Variants in CBL observed in about 807,000 individuals in gnomAD.
The protein encoded by CBL is E3 ubiquitin-protein ligase CBL.
A neutral mutation model predicts 96.9 loss-of-function variants in CBL; 45 were observed. That is an observed-to-expected ratio of 0.46 (90% confidence interval 0.37 to 0.60). The LOEUF (loss-of-function observed/expected upper bound fraction) is 0.60. CBL is among the 20% of genes least tolerant of loss of function. The pLI is 0.00. For synonymous variants in CBL, 420 were observed against 426.8 expected (o/e 0.98, Z 0.20); for missense variants, 1,024 against 1,143.5 (o/e 0.90, Z 1.51).
At chr11:119,208,506 C>T (rs547330347) in intron 1 of CBL, among the ~76,000 whole-genome samples, 27 of 152,052 alleles carry the variant, frequency 1.8e-4, no homozygotes, top group South Asian at 6.2e-4. Flanking sequence ...TCTCGTGCCT[C>T]AGCCTCCCGA....
intron 1 of CBL, among the ~76,000 whole-genome samples, chr11:119,213,032 C>G (rs914768397): frequency 1.3e-5 from 2 of 151,412 alleles, no homozygotes; most frequent in African/African-American, 2.4e-5. Flanking sequence ...CCAGGCTGGT[C>G]TCAAACTCTT....
intron 11 of CBL, among the ~76,000 whole-genome samples, chr11:119,285,820 C>A (rs1949980958): frequency 6.6e-6 from 1 of 151,146 alleles, no homozygotes; most frequent in Non-Finnish European, 1.5e-5. Context: ...TGCTTGGGCC[C>A]AGGAGGCCAA....
chr11:119,212,740 G>A (rs1339908861), intron 1 of CBL, among the ~76,000 whole-genome samples: 1 of 151,810 alleles, frequency 6.6e-6, no homozygotes, highest in East Asian at 2.0e-4. Context: ...GCTGGGCACA[G>A]TGGCTCACGC....
rs1252856809 is a variant in CBL, at chr11:119,206,380, G to A, written c.-38G>A. ...TCTCCCTCGCTCGCAGTCGAGCCGAGCCGGCGGACCCGCCTGGGCTCCGAC... is the reference window on the plus strand; with the variant it reads ...TCTCCCTCGCTCGCAGTCGAGCCGAACCGGCGGACCCGCCTGGGCTCCGAC... On this transcript the variant is annotated 5_prime_UTR_variant, in exon 1 of 16. Transcript: ENST00000264033. 2.8e-5 allele frequency: 40 copies of A among 1,453,784 alleles called. No homozygotes were observed. The highest frequency in any genetic ancestry group is 4.7e-5 in the Admixed American group (2 of 42,256). The allele number at this position is 1,453,784 out of a possible 1,614,324, so 90.1% of individuals were successfully genotyped here. A position where few individuals can be genotyped will look rare whatever the true frequency, so the allele number is the denominator to read the frequency against.
chr11:119,245,228 A>G (rs553498747), intron 2 of CBL, among the ~76,000 whole-genome samples: 19 of 122,942 alleles, frequency 1.5e-4, no homozygotes, highest in African/African-American at 4.8e-4. Flanking sequence ...GCTTTTTTTT[A>G]TTAATGCAGT....
chr11:119,255,551 A>G (rs1052221395), intron 2 of CBL, among the ~76,000 whole-genome samples: 1 of 152,006 alleles, frequency 6.6e-6, no homozygotes, highest in Non-Finnish European at 1.5e-5. Context: ...ATAAAAATAC[A>G]TATTTTACTA....
chr11:119,298,315 TGAAGTGCGTCAGAAGAA>T, intron 14 of CBL, 26 bp from the exon 15 acceptor site: 3 of 1,552,930 alleles, frequency 1.9e-6, no homozygotes, highest in Non-Finnish European at 2.7e-6. Flanking sequence ...TATTAGAAGA[TGAAGTGCGTCAGAAGAA>T]GATAACATCA....
Position 119,232,432 on chromosome 11 carries a change from T to C in CBL, c.196-16T>C, listed in dbSNP as rs1171075655. The C allele has an allele frequency of 6.2e-6, 10 of 1,612,544 alleles. No individual in the cohort carries two copies. The highest frequency in any genetic ancestry group is 1.7e-5 in the Admixed American group (1 of 59,996). ...AAATTCTCCAAGTAATAGCCCTTCTTTTTCATTTGTTGCAGGTGGTGCGGT... is the reference window on the plus strand; with the variant it reads ...AAATTCTCCAAGTAATAGCCCTTCTCTTTCATTTGTTGCAGGTGGTGCGGT... On this transcript the variant is annotated splice_polypyrimidine_tract_variant and intron_variant, in intron 1 of 15. Transcript: ENST00000264033.
chr11:119,235,776 T>C (rs1221802250), intron 2 of CBL, among the ~76,000 whole-genome samples: 1 of 152,242 alleles, frequency 6.6e-6, no homozygotes, highest in African/African-American at 2.4e-5. Context: ...GTTGACAAGT[T>C]CTTTTGCCTC....
At position 119,300,713 on chromosome 11, in the gene CBL, A is replaced by G. The variant is rs886047774; in HGVS notation, c.*932A>G. 2.3e-5 allele frequency: 9 copies of G among 396,940 alleles called. No individual in the cohort carries two copies. Among genetic ancestry groups the G allele is most frequent in the Non-Finnish European group, 3.6e-5 (8 of 225,350 alleles). The allele number at this position is 396,940 out of a possible 1,614,324, so 24.6% of individuals were successfully genotyped here. ...TTTAAATACATTCCATGCCCTCCCC[A>G]GAAAATAGTCTGTGGGAGTCAGTTG... On this transcript the variant is annotated 3_prime_UTR_variant, in exon 16 of 16. Coordinates refer to ENST00000264033, the MANE Select transcript of CBL (RefSeq NM_005188.4).
intron 2 of CBL, among the ~76,000 whole-genome samples, chr11:119,267,275 C>G (rs1206500934): frequency 6.6e-6 from 1 of 152,176 alleles, no homozygotes; most frequent in Non-Finnish European, 1.5e-5. Context: ...GTAACAGTTT[C>G]AGTCAGCACT....
Position 119,221,699 on chromosome 11 carries a change from C to T in CBL, c.196-10749C>T, listed in dbSNP as rs186177781. 2.7e-5 allele frequency among the ~76,000 whole-genome samples: 4 copies of T among 146,566 alleles called. No homozygotes were observed. The East Asian group carries it at 6.5e-4, about 24-fold the overall frequency. On this transcript the variant is annotated intron_variant, in intron 1 of 15. Transcript: ENST00000264033. Reference sequence around the variant, plus strand: ...AGGAGAATTGCTTGAACCCGGGAGGCGGAGGTTGCAGTGAGCCAAGTCGCG... The same window carrying T: ...AGGAGAATTGCTTGAACCCGGGAGGTGGAGGTTGCAGTGAGCCAAGTCGCG...
Position 119,306,427 on chromosome 11 carries a change from C to T in CBL, c.*6646C>T. On this transcript the variant is annotated 3_prime_UTR_variant, in exon 16 of 16. Coordinates refer to ENST00000264033, the MANE Select transcript of CBL (RefSeq NM_005188.4). ...ACCAACATTGCCTCTCCTACATTCT[C>T]CTTCTGCCCCTAAATCAGACAGGAG... is the stretch of plus-strand genomic sequence containing the variant. 5.0e-6 allele frequency: 2 copies of T among 398,762 alleles called. No individual in the cohort carries two copies. The highest frequency in any genetic ancestry group is 8.8e-6 in the Non-Finnish European group (2 of 226,066). 24.7% of individuals were successfully genotyped at this position (398,762 alleles called of 1,614,324 possible). A position where few individuals can be genotyped will look rare whatever the true frequency, so the allele number is the denominator to read the frequency against.
intron 2 of CBL, among the ~76,000 whole-genome samples, chr11:119,234,035 T>C (rs889011836): frequency 1.3e-5 from 2 of 152,164 alleles, no homozygotes; most frequent in Non-Finnish European, 2.9e-5. Context: ...AGACGGAGTC[T>C]TGCTGTTGTC....
intron 2 of CBL, among the ~76,000 whole-genome samples, chr11:119,249,709 A>G (rs527359668): frequency 6.6e-6 from 1 of 150,568 alleles, no homozygotes; most frequent in African/African-American, 2.4e-5. Flanking sequence ...TTTATCTCCC[A>G]GGTGGTATGA....
At chr11:119,278,925 C>T (rs757265255) in intron 9 of CBL, among the ~76,000 whole-genome samples, 3 of 152,044 alleles carry the variant, frequency 2.0e-5, no homozygotes, top group Non-Finnish European at 4.4e-5. Flanking sequence ...TACTATTATC[C>T]TTATTTAACA....
intron 12 of CBL, among the ~76,000 whole-genome samples, chr11:119,294,129 A>G (rs915384145): frequency 6.6e-6 from 1 of 152,232 alleles, no homozygotes; most frequent in South Asian, 2.1e-4. Flanking sequence ...ACAGAGAATT[A>G]TAATTAAAAT....
rs146448232 is a variant in CBL, at chr11:119,254,341, C to T, written c.444-17394C>T. Among the ~76,000 whole-genome samples, 954 of 152,258 alleles carry T rather than the reference C, an allele frequency of 6.3e-3. 9 individuals are homozygous for T. Among genetic ancestry groups the T allele is most frequent in the African/African-American group, 0.016 (675 of 41,530 alleles). ...TGTAAGTGCAACCATGTATTGCTAA[C>T]GACAGGATGCATTTTGAGAAATGTA... On this transcript the variant is annotated intron_variant, in intron 2 of 15. Coordinates refer to ENST00000264033, the MANE Select transcript of CBL (RefSeq NM_005188.4).
At chr11:119,263,933 G>T (rs550173174) in intron 2 of CBL, among the ~76,000 whole-genome samples, 2 of 152,292 alleles carry the variant, frequency 1.3e-5, no homozygotes, top group East Asian at 3.9e-4. Context: ...ACCAGTAAAT[G>T]AAATACTTAA....
Sources: allele counts gnomAD v4.1 joint callset (sites outside exome capture counted in the v4.1 genomes callset), GRCh38; gene constraint gnomAD v4.1.1; transcripts MANE v1.5; gene names NCBI Gene and HGNC (gene_info 2026-07-23, HGNC 2026-07-21).